Variants in PCDHGA9 observed in about 807,000 individuals in gnomAD.
PCDHGA9 encodes protocadherin gamma-A9.
A neutral mutation model predicts 62.5 loss-of-function variants in PCDHGA9; 37 were observed. That is an observed-to-expected ratio of 0.59 (90% CI 0.46 to 0.78). The LOEUF (loss-of-function observed/expected upper bound fraction) is 0.78, where lower values mean the gene tolerates loss of function less well. Among genes scored for constraint, PCDHGA9 ranks in the 30% least tolerant of loss-of-function variants. The pLI, the probability that PCDHGA9 is intolerant of heterozygous loss-of-function variation, is 0.00. For synonymous variants in PCDHGA9, 459 were observed against 484.6 expected (o/e 0.95, Z 0.69); for missense variants, 1,138 against 1,166.2 (o/e 0.98, Z 0.35).
At position 141,485,120 on chromosome 5, in the gene PCDHGA9, G is replaced by A. The variant is rs2099607447; in HGVS notation, c.2425-9687G>A. On this transcript the variant is annotated intron_variant, in intron 1 of 3. Coordinates refer to ENST00000573521, the MANE Select transcript of PCDHGA9 (RefSeq NM_018921.3). The surrounding 1 kb of genome is among the most constrained non-coding windows in gnomAD (Gnocchi z 5.7). ...TCCAGCTGCTGTGGCTGTTTGGGGC[G>A]GGTCGGCTTCATCCGCGTCTCAGGA... The A allele has an allele frequency of 1.5e-6, 2 of 1,348,050 alleles. No homozygotes were observed. Among genetic ancestry groups the A allele is most frequent in the Non-Finnish European group, 2.1e-6 (2 of 952,710 alleles). 83.5% of individuals were successfully genotyped at this position (1,348,050 alleles called of 1,614,324 possible).
chr5:141,504,561 T>G (rs1023434942), intron 2 of PCDHGA9, among the ~76,000 whole-genome samples: 1 of 150,052 alleles, frequency 6.7e-6, no homozygotes, highest in Non-Finnish European at 1.5e-5. Context: ...GGGACTGGCA[T>G]TCTAGGGAAC....
rs1561964279 is a variant in PCDHGA9 at position 141,456,201 on chromosome 5, A to G, written c.2425-38606A>G. 2.0e-5 allele frequency among the ~76,000 whole-genome samples: 3 copies of G among 152,228 alleles called. No homozygotes were observed. The South Asian group carries it at 6.2e-4, about 32-fold the overall frequency. On this transcript the variant is annotated intron_variant, in intron 1 of 3. Coordinates refer to ENST00000573521, the MANE Select transcript of PCDHGA9 (RefSeq NM_018921.3). ...ATAATTTCTTAATAACTCCTACCAC[A>G]TTCCTCCCTGTGGCGATATCAAACT...
intron 1 of PCDHGA9, chr5:141,421,577 T>C (rs1385519860): frequency 1.4e-5 from 22 of 1,613,748 alleles, no homozygotes; most frequent in Non-Finnish European, 1.5e-5. Context: ...ACCTTGAAGA[T>C]TTACGGAGTG....
Position 141,464,191 on chromosome 5 carries a change from G to C in PCDHGA9, c.2425-30616G>C, listed in dbSNP as rs185888723. Among the ~76,000 whole-genome samples, 583 of 151,818 alleles carry C rather than the reference G, an allele frequency of 3.8e-3. 6 individuals are homozygous for C. Among genetic ancestry groups the C allele is most frequent in the Admixed American group, 0.011 (166 of 15,202 alleles). On this transcript the variant is annotated intron_variant, in intron 1 of 3. Transcript: ENST00000573521. ...GAGGCAGGAGAATTGCTTGATTTCA[G>C]GAGGCGGAGATTGCAGTGAGCTGAG...
At position 141,410,204 on chromosome 5, in the gene PCDHGA9, T is replaced by C. The variant is rs1212919717; in HGVS notation, c.2424+4828T>C. 11 of 1,613,954 alleles carry C rather than the reference T, an allele frequency of 6.8e-6. No homozygotes were observed. In the South Asian group the frequency reaches 9.9e-5, roughly 14 times the overall value. Reference sequence around the variant, plus strand: ...GCTTCATCTGGTCTTCGCAGACAACTTGCAAGAGATACTGCCAGACCTCAG... The same window carrying C: ...GCTTCATCTGGTCTTCGCAGACAACCTGCAAGAGATACTGCCAGACCTCAG... On this transcript the variant is annotated intron_variant, in intron 1 of 3. Transcript: ENST00000573521.
intron 1 of PCDHGA9, chr5:141,427,278 A>G (rs981860450): frequency 2.2e-6 from 1 of 456,706 alleles, no homozygotes; most frequent in Non-Finnish European, 4.4e-6. Context: ...ATGTAAAATT[A>G]TACTAGAAAT....
intron 1 of PCDHGA9, among the ~76,000 whole-genome samples, chr5:141,433,837 C>CAAAAAAAA (rs56191208): frequency 1.9e-4 from 21 of 111,692 alleles, no homozygotes; most frequent in Admixed American, 5.9e-4. Context: ...AACTCTATCT[C>CAAAAAAAA]AAAAAAAAAA....
In PCDHGA9 at chr5:141,431,538, A is replaced by G; in HGVS notation, c.2424+26162A>G. ...CCGGAGAATCTGGCCTTGGGCACGC[A>G]GCTGCTTGTAGTCAACGCTACCGAC... is the stretch of plus-strand genomic sequence containing the variant. On this transcript the variant is annotated intron_variant, in intron 1 of 3. Transcript: ENST00000573521. The surrounding 1 kb of genome is among the most constrained non-coding windows in gnomAD (Gnocchi z 4.8). The G allele has an allele frequency of 6.2e-7, 1 of 1,614,114 alleles. No individual in the cohort carries two copies. Among genetic ancestry groups the G allele is most frequent in the Non-Finnish European group, 8.5e-7 (1 of 1,180,024 alleles).
intron 1 of PCDHGA9, among the ~76,000 whole-genome samples, chr5:141,434,692 A>G (rs891952554): frequency 8.5e-5 from 13 of 152,082 alleles, no homozygotes; most frequent in African/African-American, 2.4e-4. Flanking sequence ...CTTGCTGTTA[A>G]TAAATATGTG....
chr5:141,478,102 C>T, intron 1 of PCDHGA9: 1 of 1,614,126 alleles, frequency 6.2e-7, no homozygotes, highest in South Asian at 1.1e-5. Flanking sequence ...CTGCTACCCT[C>T]ACTGTGTCAG....
chr5:141,468,159 T>C (rs1408861467), intron 1 of PCDHGA9, among the ~76,000 whole-genome samples: 2 of 151,760 alleles, frequency 1.3e-5, no homozygotes, highest in Admixed American at 6.6e-5. Context: ...ACCCTGTCTC[T>C]GCTAAAAATA....
chr5:141,476,179 T>C lies in PCDHGA9; in HGVS notation c.2425-18628T>C, dbSNP rs1283155400. 26 of 1,613,476 alleles carry C rather than the reference T, an allele frequency of 1.6e-5. No homozygotes were observed. The highest frequency in any genetic ancestry group is 2.0e-5 in the Non-Finnish European group (24 of 1,179,998). On this transcript the variant is annotated intron_variant, in intron 1 of 3. Transcript: ENST00000573521. This position sits in a 1 kb window ranked among gnomAD's most constrained non-coding sequence, Gnocchi z 7.6. Reference sequence around the variant, plus strand: ...CCGGGAGGGTAGTGGGAGTTTTGCTTCTGCTTGGTGCCTTGAACAAGGCTT... The same window carrying C: ...CCGGGAGGGTAGTGGGAGTTTTGCTCCTGCTTGGTGCCTTGAACAAGGCTT...
chr5:141,422,838 C>T (rs201218542), intron 1 of PCDHGA9: 182 of 1,614,252 alleles, frequency 1.1e-4, no homozygotes, highest in Middle Eastern at 1.6e-4. Context: ...TAGCACGTGA[C>T]AGCGGGGACC....
In PCDHGA9 at chr5:141,404,546, G is replaced by A. The variant is rs753308273; in HGVS notation, c.1594G>A (p.Val532Met). 11 of 1,613,800 alleles carry A rather than the reference G, an allele frequency of 6.8e-6. No individual in the cohort carries two copies. In the East Asian group the frequency reaches 2.2e-4, roughly 33 times the overall value. ...GCAGTTTAGAGATTTGCAAATGCAGGTGACGGCAAGTGACAGTGGAAGCCC... is the reference window on the plus strand; with the variant it reads ...GCAGTTTAGAGATTTGCAAATGCAGATGACGGCAAGTGACAGTGGAAGCCC... Reference protein sequence around the residue: ...YEQFRDLQMQVTASDSGSPPL... With the variant: ...YEQFRDLQMQMTASDSGSPPL... The change falls in exon 1 of 4, where the codon GTG (valine) becomes ATG (methionine). Residue 532 changes from valine (V) to methionine (M), a missense_variant. Transcript: ENST00000573521.
intron 1 of PCDHGA9, among the ~76,000 whole-genome samples, chr5:141,474,142 T>G (rs2099344082): frequency 6.6e-6 from 1 of 152,212 alleles, no homozygotes; most frequent in African/African-American, 2.4e-5. Flanking sequence ...ACAGGCCTTA[T>G]TATCAAGAAA....
chr5:141,414,785 C>A, intron 1 of PCDHGA9: 1 of 1,614,232 alleles, frequency 6.2e-7, no homozygotes, highest in Non-Finnish European at 8.5e-7. Context: ...ATGCAGGTGA[C>A]AGCCAGCGAC....
At chr5:141,408,280 C>T in intron 1 of PCDHGA9, 1 of 1,612,648 alleles carries the variant, frequency 6.2e-7, no homozygotes, top group Non-Finnish European at 8.5e-7. Flanking sequence ...CTTTGTTCTA[C>T]CCCACCCTGA....
At chr5:141,415,712 T>G (rs2095901969) in intron 1 of PCDHGA9, 3 of 1,326,794 alleles carry the variant, frequency 2.3e-6, no homozygotes, top group Non-Finnish European at 3.1e-6. Context: ...GCTAAAACAC[T>G]GATGAGTAGA....
intron 1 of PCDHGA9, chr5:141,419,239 C>T (rs374093302): frequency 3.7e-6 from 6 of 1,614,008 alleles, no homozygotes; most frequent in East Asian, 2.2e-5. Context: ...ACCTGGTCCA[C>T]GTGCCAGAAA....
Sources: gnomAD v4.1 joint callset for allele counts (sites outside exome capture counted in the v4.1 genomes callset) on GRCh38, gnomAD v4.1.1 for gene constraint, Gnocchi (gnomAD v3.1) non-coding constraint, MANE v1.5 for transcripts, NCBI Gene and HGNC (gene_info 2026-07-23, HGNC 2026-07-21) for gene names.